Variants in CDH18 observed in about 807,000 individuals in gnomAD.
CDH18 encodes cadherin 18.
CDH18 carries 31 observed loss-of-function variants against 67.9 expected under a neutral mutation model. The observed-to-expected ratio is 0.46, with a 90% CI of 0.34 to 0.62. The LOEUF (loss-of-function observed/expected upper bound fraction) is 0.62. Among genes scored for constraint, CDH18 ranks in the 20% least tolerant of loss-of-function variants. The pLI, the probability that CDH18 is intolerant of heterozygous loss-of-function variation, is 0.01. For synonymous variants in CDH18, 362 were observed against 347.2 expected, an observed-to-expected ratio of 1.04 and a Z score of -0.48; for missense variants, 890 against 975.5, an observed-to-expected ratio of 0.91 and a Z score of 1.17.
chr5:19,688,350 T>C (rs1320544793), intron 5 of CDH18, among the ~76,000 whole-genome samples: 1 of 152,172 alleles, frequency 6.6e-6, no homozygotes, highest in African/African-American at 2.4e-5. Context: ...CTGACCCATC[T>C]AGAATCCTCT....
intron 1 of CDH18, among the ~76,000 whole-genome samples, chr5:20,300,297 T>TGC (rs773008932): frequency 1.0e-4 from 7 of 68,866 alleles, no homozygotes; most frequent in African/African-American, 2.0e-4. Context: ...TTAAGTTGTG[T>TGC]GTGTGCGTGT....
At chr5:19,717,035 C>T (rs965203533) in intron 5 of CDH18, among the ~76,000 whole-genome samples, 1 of 151,964 alleles carries the variant, frequency 6.6e-6, no homozygotes, top group Non-Finnish European at 1.5e-5. Flanking sequence ...CCATTACTGA[C>T]TGTCAATGAT....
chr5:20,520,572 G>A (rs182706834), intron 1 of CDH18, among the ~76,000 whole-genome samples: 1 of 152,162 alleles, frequency 6.6e-6, no homozygotes, highest in Non-Finnish European at 1.5e-5. Context: ...AAATACAAGG[G>A]TAGTGAGGCA....
At chr5:20,332,052 T>G (rs1739237292) in intron 1 of CDH18, among the ~76,000 whole-genome samples, 1 of 152,204 alleles carries the variant, frequency 6.6e-6, no homozygotes, top group African/African-American at 2.4e-5. Flanking sequence ...TTTTGAAGAT[T>G]GTTTTTGTTT....
At chr5:20,177,828 C>T (rs1737361250) in intron 2 of CDH18, among the ~76,000 whole-genome samples, 3 of 152,038 alleles carry the variant, frequency 2.0e-5, no homozygotes, top group Admixed American at 6.6e-5. Flanking sequence ...ACCCATTTTG[C>T]TTGGCTCTCA....
chr5:20,525,583 G>T (rs2126535375), intron 1 of CDH18, among the ~76,000 whole-genome samples: 1 of 152,194 alleles, frequency 6.6e-6, no homozygotes, highest in East Asian at 1.9e-4. Flanking sequence ...CAGCTTACTA[G>T]CCAGGAGATG....
chr5:19,842,806 G>A (rs755766844), intron 2 of CDH18, among the ~76,000 whole-genome samples: 5 of 152,100 alleles, frequency 3.3e-5, no homozygotes, highest in Admixed American at 1.3e-4. Flanking sequence ...ACTGATAATG[G>A]ATAATGATGT....
chr5:19,701,217 A>C lies in CDH18; in HGVS notation c.643+20130T>G, dbSNP rs184682478. 2.0e-3 allele frequency among the ~76,000 whole-genome samples: 305 copies of C among 152,264 alleles called. 1 individual carries two copies. The highest frequency in any genetic ancestry group is 0.017 in the Middle Eastern group (5 of 294). On this transcript the variant is annotated intron_variant, in intron 5 of 12. Coordinates refer to ENST00000382275, the MANE Select transcript of CDH18 (RefSeq NM_004934.5). Reference sequence around the variant, plus strand: ...GAGGTTTAATCAGATAGCTCTGTGAAGGACAACTTCTCTTGGAGGAAAAAA... The same window carrying C: ...GAGGTTTAATCAGATAGCTCTGTGACGGACAACTTCTCTTGGAGGAAAAAA...
At chr5:20,019,462 TG>T (rs150895514) in intron 2 of CDH18, among the ~76,000 whole-genome samples, 1,748 of 152,070 alleles carry the variant, frequency 0.011, 41 homozygotes, top group African/African-American at 0.04. Flanking sequence ...TTGTGGGAGG[TG>T]ATTGGATCAT....
At chr5:20,393,722 C>A (rs1745052135) in intron 1 of CDH18, among the ~76,000 whole-genome samples, 1 of 151,918 alleles carries the variant, frequency 6.6e-6, no homozygotes, top group South Asian at 2.1e-4. Context: ...TTGCTATACA[C>A]CAACAACAAT....
rs547438759 is a variant in CDH18, at chr5:19,899,112, G to A, written c.-256-59870C>T. ...CAAATCAAAACCAAAATAAGATATC[G>A]TCTCAGGCCAGGCACGGTGGCTCAC... On this transcript the variant is annotated intron_variant, in intron 2 of 12. Transcript: ENST00000382275. Among the ~76,000 whole-genome samples the A allele has an allele frequency of 8.1e-4, 123 of 152,126 alleles. 1 individual carries two copies. Among genetic ancestry groups the A allele is most frequent in the Non-Finnish European group, 1.6e-3 (106 of 67,982 alleles).
intron 4 of CDH18, among the ~76,000 whole-genome samples, chr5:19,734,529 G>T (rs1768041156): frequency 6.6e-6 from 1 of 151,970 alleles, no homozygotes; most frequent in Non-Finnish European, 1.5e-5. Flanking sequence ...AGGCCTTATG[G>T]TAGAATAAAA....
At chr5:20,233,918 C>T (rs965742641) in intron 2 of CDH18, among the ~76,000 whole-genome samples, 1 of 151,970 alleles carries the variant, frequency 6.6e-6, no homozygotes, top group African/African-American at 2.4e-5. Flanking sequence ...CTATTTTATT[C>T]CATGGAAAAT....
chr5:19,850,309 C>T (rs187830767), intron 2 of CDH18, among the ~76,000 whole-genome samples: 53 of 151,318 alleles, frequency 3.5e-4, no homozygotes, highest in African/African-American at 1.2e-3. Flanking sequence ...AAATGAGGCA[C>T]GAAATTTAAT....
chr5:20,416,905 T>C (rs1182267974), intron 1 of CDH18, among the ~76,000 whole-genome samples: 6 of 152,028 alleles, frequency 3.9e-5, no homozygotes, highest in Non-Finnish European at 7.4e-5. Flanking sequence ...GGGTAAAAAA[T>C]AGATTGAATA....
chr5:19,552,580 C>T (rs944892566), intron 8 of CDH18, among the ~76,000 whole-genome samples: 5 of 152,108 alleles, frequency 3.3e-5, no homozygotes, highest in Non-Finnish European at 7.4e-5. Flanking sequence ...TACATGTTCA[C>T]TATATTATGT....
chr5:19,473,133 A>G lies in CDH18; in HGVS notation c.*93T>C. On this transcript the variant is annotated 3_prime_UTR_variant, in exon 13 of 13. Coordinates refer to ENST00000382275, the MANE Select transcript of CDH18 (RefSeq NM_004934.5). ...GCTGTGTCCAGCTTCCTCAGTTCCA[A>G]GTACTGTTTCCACACTTCTTCCTTG... 1 of 1,496,102 alleles carries G rather than the reference A, an allele frequency of 6.7e-7. No individual in the cohort carries two copies. The highest frequency in any genetic ancestry group is 1.3e-5 in the South Asian group (1 of 76,254). The allele number at this position is 1,496,102 out of a possible 1,614,324, so 92.7% of individuals were successfully genotyped here.
intron 5 of CDH18, among the ~76,000 whole-genome samples, chr5:19,663,805 G>T (rs1757521918): frequency 6.6e-6 from 1 of 151,464 alleles, no homozygotes; most frequent in Non-Finnish European, 1.5e-5. Flanking sequence ...ATGATATCCG[G>T]TGTTATATGA....
At chr5:20,534,529 A>T (rs982002986) in intron 1 of CDH18, among the ~76,000 whole-genome samples, 1 of 152,072 alleles carries the variant, frequency 6.6e-6, no homozygotes, top group African/African-American at 2.4e-5. Flanking sequence ...TGAGTAAAAA[A>T]AGGTCACTTT....
Sources: allele counts gnomAD v4.1 joint callset (sites outside exome capture counted in the v4.1 genomes callset), GRCh38; gene constraint gnomAD v4.1.1; transcripts MANE v1.5; gene names NCBI Gene and HGNC (gene_info 2026-07-23, HGNC 2026-07-21).